VAT1L: variants seen among roughly 807,000 people sequenced by gnomAD.
VAT1L encodes the protein putative NADPH-dependent quinone oxidoreductase VAT1L.
In VAT1L, 34 loss-of-function variants were observed where a neutral mutation model predicts 44.1. The ratio of observed to expected loss-of-function variants is 0.77; its 90% CI spans 0.59 to 1.03. The LOEUF (loss-of-function observed/expected upper bound fraction) is 1.03. VAT1L is among the 50% of genes least tolerant of loss of function. VAT1L has a pLI of 0.00. For missense variants in VAT1L, 615 were observed against 538.8 expected, an observed-to-expected ratio of 1.14 and a Z score of -1.40; for synonymous variants, 253 against 202.2, an observed-to-expected ratio of 1.25 and a Z score of -2.13.
At chr16:77,882,241 T>G (rs1415476871) in intron 6 of VAT1L, 2 of 152,254 alleles carry the variant, frequency 1.3e-5, no homozygotes, top group African/African-American at 4.8e-5. Flanking sequence ...CGACTGGAAT[T>G]ATACAGGAAT....
intron 3 of VAT1L, among the ~76,000 whole-genome samples, chr16:77,840,180 C>T (rs931013096): frequency 6.6e-6 from 1 of 152,176 alleles, no homozygotes; most frequent in African/African-American, 2.4e-5. Flanking sequence ...TGCCCTGCAT[C>T]AGAGATAAGA....
chr16:77,860,400 G>T (rs1224521707), intron 3 of VAT1L, among the ~76,000 whole-genome samples: 1 of 152,192 alleles, frequency 6.6e-6, no homozygotes, highest in African/African-American at 2.4e-5. Context: ...GACTCAGTGG[G>T]CAGCTTGGGA....
At chr16:77,947,812 C>T (rs866883873) in intron 7 of VAT1L, among the ~76,000 whole-genome samples, 36 of 152,150 alleles carry the variant, frequency 2.4e-4, no homozygotes, top group African/African-American at 7.5e-4. Context: ...CTGGAGTTTG[C>T]GCAATGGCAT....
chr16:77,886,578 C>A (rs781649521), intron 7 of VAT1L, among the ~76,000 whole-genome samples: 1 of 152,180 alleles, frequency 6.6e-6, no homozygotes, highest in African/African-American at 2.4e-5. Context: ...ATTTACTGAA[C>A]AACAACTATG....
chr16:77,930,860 T>G (rs939927286), intron 7 of VAT1L, among the ~76,000 whole-genome samples: 16 of 152,174 alleles, frequency 1.1e-4, no homozygotes, highest in Non-Finnish European at 2.2e-4. Context: ...CTCTTGACAC[T>G]GCATTCTTTC....
intron 7 of VAT1L, among the ~76,000 whole-genome samples, chr16:77,949,424 T>A (rs1168728114): frequency 6.6e-6 from 1 of 152,130 alleles, no homozygotes; most frequent in Non-Finnish European, 1.5e-5. Context: ...ATAGGCAATG[T>A]GCTAAGAGTT....
At chr16:77,908,235 T>C (rs2017459420) in intron 7 of VAT1L, among the ~76,000 whole-genome samples, 1 of 135,008 alleles carries the variant, frequency 7.4e-6, no homozygotes, top group African/African-American at 2.8e-5. Context: ...TGAGACTCTG[T>C]CTCAAAAAAA....
intron 5 of VAT1L, among the ~76,000 whole-genome samples, chr16:77,877,085 T>C (rs2017095896): frequency 6.6e-6 from 1 of 152,196 alleles, no homozygotes; most frequent in Non-Finnish European, 1.5e-5. Context: ...TTCACTTCTA[T>C]GTCTTAGGAG....
intron 2 of VAT1L, 132 bp from the exon 3 acceptor site, chr16:77,825,111 CCCA>C (rs1422023749): frequency 2.3e-6 from 2 of 856,442 alleles, no homozygotes; most frequent in East Asian, 5.0e-5. Context: ...GATTGATTCA[CCCA>C]CCTCAGCCTC....
intron 7 of VAT1L, 144 bp from the exon 8 acceptor site, chr16:77,971,706 C>A (rs1266105521): frequency 4.1e-6 from 3 of 730,140 alleles, no homozygotes; most frequent in Non-Finnish European, 4.6e-6. Context: ...TGCACCCCAG[C>A]GTCCAACAGC....
At chr16:77,876,130 C>T (rs1210840192) in intron 4 of VAT1L, among the ~76,000 whole-genome samples, 1 of 152,340 alleles carries the variant, frequency 6.6e-6, no homozygotes, top group South Asian at 2.1e-4. Context: ...CTGGCCCAGG[C>T]TGGTTCCCAG....
At chr16:77,963,626 G>C (rs2018188352) in intron 7 of VAT1L, among the ~76,000 whole-genome samples, 1 of 151,846 alleles carries the variant, frequency 6.6e-6, no homozygotes. Flanking sequence ...AGAAAATAAA[G>C]GGGGGAAAAA....
At chr16:77,815,560 T>A (rs1479424164) in intron 1 of VAT1L, among the ~76,000 whole-genome samples, 1 of 152,226 alleles carries the variant, frequency 6.6e-6, no homozygotes, top group East Asian at 1.9e-4. Context: ...TTACTCACCT[T>A]TATTCAGTCC....
chr16:77,851,482 C>G (rs1173095450), intron 3 of VAT1L, among the ~76,000 whole-genome samples: 1 of 151,896 alleles, frequency 6.6e-6, no homozygotes. Flanking sequence ...GACCCTGTCT[C>G]TACAAAAAAA....
rs370193912 is a variant in VAT1L at position 77,825,412 on chromosome 16, A to G, written c.530A>G (p.Asn177Ser). The change falls in exon 3 of 9, where the codon AAC (asparagine) becomes AGC (serine). Residue 177 changes from asparagine (N) to serine (S), a missense_variant. Coordinates refer to ENST00000302536, the MANE Select transcript of VAT1L (RefSeq NM_020927.3). ...TAYVMLFEVA[N>S]LREGMSVLVH... The stretch of plus-strand genomic sequence containing the variant: ...TATGTGATGCTGTTTGAAGTTGCCA[A>G]CCTCCGGGAAGGGATGTCTGTGCTC... The G allele has an allele frequency of 1.2e-5, 19 of 1,610,176 alleles. No homozygotes were observed. The highest frequency in any genetic ancestry group is 5.0e-5 in the Admixed American group (3 of 59,554).
At chr16:77,851,033 G>C (rs920179956) in intron 3 of VAT1L, among the ~76,000 whole-genome samples, 40 of 152,196 alleles carry the variant, frequency 2.6e-4, no homozygotes, top group Non-Finnish European at 4.0e-4. Context: ...TCTCTACAAG[G>C]GTTGATTAGC....
chr16:77,836,804 T>C (rs1275440338), intron 3 of VAT1L, among the ~76,000 whole-genome samples: 3 of 152,246 alleles, frequency 2.0e-5, no homozygotes, highest in Non-Finnish European at 2.9e-5. Context: ...TTGACTCAAA[T>C]GAACTAACTT....
At chr16:77,874,451 T>C (rs563838015) in intron 4 of VAT1L, among the ~76,000 whole-genome samples, 1 of 133,536 alleles carries the variant, frequency 7.5e-6, no homozygotes, top group South Asian at 2.7e-4. Context: ...AACTCCCACC[T>C]GCCTCTCCAG....
intron 8 of VAT1L, among the ~76,000 whole-genome samples, chr16:77,973,026 C>T (rs2018297072): frequency 6.6e-6 from 1 of 151,698 alleles, no homozygotes; most frequent in Non-Finnish European, 1.5e-5. Context: ...ACCCTTATAT[C>T]CCAGGGATAC....
Sources: allele counts gnomAD v4.1 joint callset (sites outside exome capture counted in the v4.1 genomes callset), GRCh38; gene constraint gnomAD v4.1.1; transcripts MANE v1.5; gene names NCBI Gene and HGNC (gene_info 2026-07-23, HGNC 2026-07-21).